The following PCNX2 variants were observed in gnomAD, a reference collection of about 807,000 sequenced individuals.
The protein encoded by PCNX2 is pecanex 2.
Under a neutral mutation model 223.8 loss-of-function variants are expected in PCNX2, and 168 were observed. The ratio of observed to expected loss-of-function variants is 0.75; its 90% CI spans 0.66 to 0.85. The LOEUF (loss-of-function observed/expected upper bound fraction) is 0.85. PCNX2 is among the 40% of genes least tolerant of loss of function. The pLI is 0.00. For synonymous variants in PCNX2, 1,006 were observed against 1,052.6 expected (o/e 0.96, Z 0.86); for missense variants, 2,507 against 2,675.5 (o/e 0.94, Z 1.39).
chr1:233,080,732 C>G (rs1673320847), intron 23 of PCNX2, among the ~76,000 whole-genome samples: 1 of 152,138 alleles, frequency 6.6e-6, no homozygotes, highest in Non-Finnish European at 1.5e-5. Context: ...AAGGCCCCAC[C>G]TCCTAATACC....
chr1:233,084,820 G>A (rs975930217), intron 23 of PCNX2, among the ~76,000 whole-genome samples: 2 of 152,124 alleles, frequency 1.3e-5, no homozygotes, highest in African/African-American at 2.4e-5. Flanking sequence ...TGACATTACG[G>A]GGATGTATAA....
chr1:233,210,451 G>A (rs1681756005), intron 12 of PCNX2: 1 of 303,632 alleles, frequency 3.3e-6, no homozygotes, highest in Non-Finnish European at 4.8e-6. Context: ...CTAATTTTTT[G>A]TATTTTTAGT....
rs890205254 is a variant in PCNX2, at chr1:233,139,612, G to A, written c.3659+102C>T. On this transcript the variant is annotated intron_variant, in intron 20 of 33. Transcript: ENST00000258229. This position sits in a 1 kb window ranked among gnomAD's most constrained non-coding sequence, Gnocchi z 4.4. ...GCTTATTTTTACATGGCCAATCACA[G>A]TCGGTAAAGGTTGGCTTCTTCTGCA... 2.5e-5 allele frequency: 34 copies of A among 1,339,732 alleles called. No individual in the cohort carries two copies. Among genetic ancestry groups the A allele is most frequent in the Non-Finnish European group, 3.1e-5 (31 of 987,454 alleles). 83.0% of individuals were successfully genotyped at this position (1,339,732 alleles called of 1,614,324 possible).
chr1:233,244,109 A>G lies in PCNX2; in HGVS notation c.2222+6630T>C, dbSNP rs181321240. The stretch of plus-strand genomic sequence containing the variant: ...CTCCCAAAGTGCTGGGATTACAGGC[A>G]TGAGCCACCACACCAGGCCCACATT... On this transcript the variant is annotated intron_variant, in intron 8 of 33. Transcript: ENST00000258229. Among the ~76,000 whole-genome samples, 226 of 152,338 alleles carry G rather than the reference A, an allele frequency of 1.5e-3. 5 individuals carry two copies. Among genetic ancestry groups the G allele is most frequent in the Admixed American group, 7.8e-3 (119 of 15,308 alleles).
chr1:233,162,321 A>G (rs1311370176), intron 17 of PCNX2, among the ~76,000 whole-genome samples: 1 of 152,188 alleles, frequency 6.6e-6, no homozygotes, highest in East Asian at 1.9e-4. Flanking sequence ...AAGGTATCAC[A>G]CTGTTACCTG....
chr1:233,041,260 A>C (rs1330528326), intron 25 of PCNX2, among the ~76,000 whole-genome samples: 3 of 152,194 alleles, frequency 2.0e-5, no homozygotes, highest in Non-Finnish European at 4.4e-5. Context: ...ATGATCACTA[A>C]TCTCAAGTGA....
At position 233,172,493 on chromosome 1, in the gene PCNX2, G is replaced by A. The variant is rs1026272185; in HGVS notation, c.3273+5309C>T. ...GAGGTGAGTCTGCTTGCACTTCCTG[G>A]TGTGGAGGGTGGTAGAGCTGACTTC... On this transcript the variant is annotated intron_variant, in intron 17 of 33. Transcript: ENST00000258229. 23 of 985,228 alleles carry A rather than the reference G, an allele frequency of 2.3e-5. No individual in the cohort carries two copies. The African/African-American group carries it at 4.0e-4, about 17-fold the overall frequency. The allele number at this position is 985,228 out of a possible 1,614,324, so 61.0% of individuals were successfully genotyped here. A position where few individuals can be genotyped will look rare whatever the true frequency, so the allele number is the denominator to read the frequency against.
intron 21 of PCNX2, among the ~76,000 whole-genome samples, chr1:233,112,432 G>C (rs1178375686): frequency 6.6e-6 from 1 of 152,218 alleles, no homozygotes; most frequent in Non-Finnish European, 1.5e-5. Flanking sequence ...TTCAGCAAGT[G>C]AGTCTAGAGT....
chr1:233,168,852 G>A (rs77794183), intron 17 of PCNX2, among the ~76,000 whole-genome samples: 8,917 of 151,822 alleles, frequency 0.059, 519 homozygotes, highest in East Asian at 0.31. Context: ...TGACACAATT[G>A]GCACCATCAC....
At chr1:233,138,612 G>A (rs979606664) in intron 20 of PCNX2, among the ~76,000 whole-genome samples, 20 of 152,158 alleles carry the variant, frequency 1.3e-4, no homozygotes, top group African/African-American at 4.3e-4. Flanking sequence ...CCTAGATTGG[G>A]TCCCACTTAA....
chr1:233,063,920 C>T (rs1672495981), intron 23 of PCNX2, among the ~76,000 whole-genome samples: 1 of 152,060 alleles, frequency 6.6e-6, no homozygotes, highest in Admixed American at 6.5e-5. Context: ...TTGTCTATTA[C>T]AGTATACATT....
Position 232,999,394 on chromosome 1 carries a change from G to A in PCNX2, c.5329-15C>T. 6.3e-7 allele frequency: 1 copy of A among 1,576,778 alleles called. No homozygotes were observed. The highest frequency in any genetic ancestry group is 1.2e-5 in the South Asian group (1 of 86,462). On this transcript the variant is annotated splice_polypyrimidine_tract_variant and intron_variant, in intron 30 of 33. Transcript: ENST00000258229. Reference sequence around the variant, plus strand: ...TCTTTGTTAACCTGCAGGTCAGAGAGGGAACGGGAAGAAAGGCAGAAGGCC... The same window carrying A: ...TCTTTGTTAACCTGCAGGTCAGAGAAGGAACGGGAAGAAAGGCAGAAGGCC...
chr1:233,239,824 T>A (rs1198422349), intron 8 of PCNX2, among the ~76,000 whole-genome samples: 2 of 152,244 alleles, frequency 1.3e-5, no homozygotes, highest in African/African-American at 4.8e-5. Context: ...GGTATATTAA[T>A]TTCAGGTGTC....
At chr1:233,215,530 A>T (rs1017349048) in intron 12 of PCNX2, among the ~76,000 whole-genome samples, 10 of 152,248 alleles carry the variant, frequency 6.6e-5, no homozygotes, top group Non-Finnish European at 1.5e-4. Context: ...ATAGTAACAG[A>T]CATTACAAAT....
intron 13 of PCNX2, among the ~76,000 whole-genome samples, chr1:233,201,110 TAA>T (rs201019503): frequency 0.13 from 14,264 of 110,262 alleles, 1,166 homozygotes; most frequent in East Asian, 0.34. Context: ...CTTAAAGTAT[TAA>T]AAAAAAAAAA....
intron 1 of PCNX2, chr1:233,290,951 T>G: frequency 1.0e-6 from 1 of 985,372 alleles, no homozygotes; most frequent in Non-Finnish European, 1.2e-6. Flanking sequence ...TTGAAGGATG[T>G]GAAAGTTCCA....
intron 17 of PCNX2, chr1:233,172,324 C>A: frequency 1.0e-6 from 1 of 979,124 alleles, no homozygotes; most frequent in Non-Finnish European, 1.2e-6. Context: ...ATGTTTGTTT[C>A]TGCCATGAGG....
chr1:233,280,403 T>A (rs1558421421), intron 1 of PCNX2, among the ~76,000 whole-genome samples: 1 of 151,876 alleles, frequency 6.6e-6, no homozygotes, highest in South Asian at 2.1e-4. Flanking sequence ...GTTCAAGTGA[T>A]TCTCGTGCCT....
chr1:233,182,085 C>T (rs78050071), intron 15 of PCNX2, among the ~76,000 whole-genome samples: 5,976 of 152,282 alleles, frequency 0.039, 200 homozygotes, highest in African/African-American at 0.089. Flanking sequence ...CTGTGTGACA[C>T]TGGCTAAGTT....
Sources: allele counts gnomAD v4.1 joint callset (sites outside exome capture counted in the v4.1 genomes callset), GRCh38; gene constraint gnomAD v4.1.1; non-coding constraint Gnocchi (gnomAD v3.1); transcripts MANE v1.5; gene names NCBI Gene and HGNC (gene_info 2026-07-23, HGNC 2026-07-21).